The following KIAA1217 variants were observed in gnomAD, a reference collection of about 807,000 sequenced individuals.
KIAA1217 encodes the protein sickle tail protein homolog.
A neutral mutation model predicts 163.9 loss-of-function variants in KIAA1217; 88 were observed. The observed-to-expected ratio is 0.54, with a 90% CI of 0.45 to 0.64. KIAA1217 has a LOEUF of 0.64. KIAA1217 is among the 30% of genes least tolerant of loss of function. KIAA1217 has a pLI of 0.00. For missense variants in KIAA1217, 2,372 were observed against 2,475.0 expected (o/e 0.96, Z 0.88); for synonymous variants, 903 against 923.1 (o/e 0.98, Z 0.39).
intron 2 of KIAA1217, among the ~76,000 whole-genome samples, chr10:24,254,133 A>T (rs1476505909): frequency 6.6e-6 from 1 of 152,156 alleles, no homozygotes; most frequent in East Asian, 1.9e-4. Context: ...AAAGATGCTG[A>T]CTTGTAAGCT....
At chr10:23,895,243 C>T (rs963289915) in intron 1 of KIAA1217, among the ~76,000 whole-genome samples, 3 of 152,256 alleles carry the variant, frequency 2.0e-5, no homozygotes, top group South Asian at 4.2e-4. Flanking sequence ...AACTATTCAT[C>T]TGACAAAGGG....
Position 24,256,395 on chromosome 10 carries a change from C to T in KIAA1217, c.354+36486C>T, listed in dbSNP as rs74125002. 5.0e-3 allele frequency among the ~76,000 whole-genome samples: 761 copies of T among 152,262 alleles called. 5 individuals are homozygous for T. The highest frequency in any genetic ancestry group is 0.017 in the African/African-American group (720 of 41,548). ...AAGCAGAGAAGAGACTTCGCCAAAG[C>T]CCATAGAAAATAAAAAGCAAACCCT... On this transcript the variant is annotated intron_variant, in intron 2 of 20. Transcript: ENST00000376454.
chr10:24,161,871 A>G (rs534912983), intron 2 of KIAA1217, among the ~76,000 whole-genome samples: 36 of 152,240 alleles, frequency 2.4e-4, no homozygotes, highest in Admixed American at 7.2e-4. Flanking sequence ...CTCCTGAATG[A>G]GGCATAATGG....
At chr10:24,302,299 G>C (rs1026807495) in intron 2 of KIAA1217, among the ~76,000 whole-genome samples, 3 of 152,200 alleles carry the variant, frequency 2.0e-5, no homozygotes, top group Non-Finnish European at 4.4e-5. Flanking sequence ...TCCATCATGG[G>C]TAAGGAGTGA....
intron 10 of KIAA1217, among the ~76,000 whole-genome samples, chr10:24,517,065 C>T (rs1037731563): frequency 9.2e-5 from 14 of 151,910 alleles, no homozygotes; most frequent in Non-Finnish European, 1.9e-4. Flanking sequence ...CACCTGTGGT[C>T]CCAGCTACTC....
At chr10:24,381,416 C>T (rs2053284299) in intron 3 of KIAA1217, among the ~76,000 whole-genome samples, 1 of 152,196 alleles carries the variant, frequency 6.6e-6, no homozygotes, top group Non-Finnish European at 1.5e-5. Flanking sequence ...AGGAAACAGA[C>T]CACACAGCAA....
chr10:24,082,392 C>G (rs528545691), intron 2 of KIAA1217, among the ~76,000 whole-genome samples: 1 of 152,114 alleles, frequency 6.6e-6, no homozygotes, highest in East Asian at 1.9e-4. Flanking sequence ...CTAATGTTCT[C>G]CCCCAAACCC....
chr10:23,859,090 C>T (rs1353404521), intron 1 of KIAA1217, among the ~76,000 whole-genome samples: 1 of 152,184 alleles, frequency 6.6e-6, no homozygotes, highest in East Asian at 1.9e-4. Context: ...ACTATAATTC[C>T]ACATGTAATG....
At chr10:24,432,054 GA>G (rs996471965) in intron 3 of KIAA1217, among the ~76,000 whole-genome samples, 3 of 147,468 alleles carry the variant, frequency 2.0e-5, no homozygotes, top group East Asian at 2.0e-4. Flanking sequence ...TGAAAGACAT[GA>G]AAAAAAATCA....
intron 1 of KIAA1217, among the ~76,000 whole-genome samples, chr10:23,835,626 G>T (rs913421360): frequency 4.6e-5 from 7 of 152,150 alleles, no homozygotes; most frequent in African/African-American, 1.7e-4. Flanking sequence ...GTATGAAAAA[G>T]TATGAATTTA....
At chr10:23,794,088 C>T (rs930539327) in intron 1 of KIAA1217, among the ~76,000 whole-genome samples, 1 of 152,118 alleles carries the variant, frequency 6.6e-6, no homozygotes, top group African/African-American at 2.4e-5. Flanking sequence ...CCTGCTTAAA[C>T]TTTGCTTTCC....
At chr10:24,469,594 A>C (rs1306966482) in intron 5 of KIAA1217, among the ~76,000 whole-genome samples, 1 of 152,126 alleles carries the variant, frequency 6.6e-6, no homozygotes, top group East Asian at 1.9e-4. Context: ...TCATACCAAG[A>C]GGGTTCTAGA....
intron 2 of KIAA1217, among the ~76,000 whole-genome samples, chr10:24,372,051 G>A (rs2134522521): frequency 6.6e-6 from 1 of 152,240 alleles, no homozygotes; most frequent in Middle Eastern, 3.4e-3. Context: ...GGGACTCCTG[G>A]AGTGGGGAGG....
rs2050936994 is a variant in KIAA1217 at position 24,367,428 on chromosome 10, T to C, written c.355-13441T>C. 3.3e-5 allele frequency among the ~76,000 whole-genome samples: 5 copies of C among 152,256 alleles called. No individual in the cohort carries two copies. The South Asian group carries it at 1.0e-3, about 31-fold the overall frequency. On this transcript the variant is annotated intron_variant, in intron 2 of 20. Transcript: ENST00000376454. ...AGTATTAAAATGAACACTAATTGCA[T>C]GCTTGCTTCGAAATATTTAATTTGC...
At chr10:24,398,164 G>A (rs764283850) in intron 3 of KIAA1217, among the ~76,000 whole-genome samples, 55 of 152,100 alleles carry the variant, frequency 3.6e-4, no homozygotes, top group Non-Finnish European at 6.5e-4. Flanking sequence ...ACACATATTC[G>A]TATGTTCTAT....
intron 1 of KIAA1217, among the ~76,000 whole-genome samples, chr10:23,759,050 A>G (rs1834100844): frequency 6.6e-6 from 1 of 152,180 alleles, no homozygotes; most frequent in Non-Finnish European, 1.5e-5. Flanking sequence ...CAACCCATGA[A>G]CATGGGAAAT....
intron 1 of KIAA1217, among the ~76,000 whole-genome samples, chr10:23,875,853 C>G (rs538618688): frequency 7.0e-6 from 1 of 143,776 alleles, no homozygotes; most frequent in South Asian, 2.2e-4. Flanking sequence ...ACAAGGACAG[C>G]AAACCAAACA....
chr10:23,779,242 G>A (rs1357472129), intron 1 of KIAA1217, among the ~76,000 whole-genome samples: 1 of 152,164 alleles, frequency 6.6e-6, no homozygotes, highest in Non-Finnish European at 1.5e-5. Flanking sequence ...GCTTACAGAG[G>A]CAGGTCAGAA....
rs1422712194 is a variant in KIAA1217 at position 24,543,078 on chromosome 10, T to C, written c.3808T>C (p.Phe1270Leu). Residue 1270 changes from phenylalanine (F) to leucine (L), a missense_variant, in exon 19 of 21, where the codon TTC (phenylalanine) becomes CTC (leucine). Phe to Leu is a conservative substitution (Grantham distance 22, BLOSUM62 0). Transcript: ENST00000376454. ...QETVPKASFG[F>L]SGISPLEDEI... ...AACTGTGCCTAAGGCCAGTTTCGGT[T>C]TCTCTGGCATTAGTCCATTAGAAGA... 2 of 1,613,500 alleles carry C rather than the reference T, an allele frequency of 1.2e-6. No homozygotes were observed. The highest frequency in any genetic ancestry group is 2.2e-5 in the South Asian group (2 of 91,044).
Sources: allele counts gnomAD v4.1 joint callset (sites outside exome capture counted in the v4.1 genomes callset), GRCh38; gene constraint gnomAD v4.1.1; transcripts MANE v1.5; gene names NCBI Gene and HGNC (gene_info 2026-07-23, HGNC 2026-07-21).